MAGI2: variants seen among roughly 807,000 people sequenced by gnomAD.
MAGI2 encodes the protein membrane-associated guanylate kinase, WW and PDZ domain-containing protein 2.
A neutral mutation model predicts 133.3 loss-of-function variants in MAGI2; 35 were observed. The ratio of observed to expected loss-of-function variants is 0.26; its 90% CI spans 0.20 to 0.35. MAGI2 has a LOEUF of 0.35. Among genes scored for constraint, MAGI2 ranks in the 10% least tolerant of loss-of-function variants. The probability of loss-of-function intolerance (pLI) is 1.00; values close to 1 mark genes in which losing one functional copy is unlikely to be tolerated. For synonymous variants in MAGI2, 729 were observed against 710.6 expected (o/e 1.03, Z -0.41); for missense variants, 1,636 against 1,863.4 (o/e 0.88, Z 2.25).
chr7:79,168,889 GATATATATATATATATATATATATAT>G (rs1182056135), intron 1 of MAGI2, among the ~76,000 whole-genome samples: 17 of 14,632 alleles, frequency 1.2e-3, no homozygotes, highest in South Asian at 8.5e-3. Context: ...TCTAAAGATA[GATATATATATATATATATATATATAT>G]ATATATATAT....
intron 1 of MAGI2, among the ~76,000 whole-genome samples, chr7:79,066,396 C>A (rs1343194783): frequency 6.6e-6 from 1 of 151,708 alleles, no homozygotes; most frequent in South Asian, 2.1e-4. Flanking sequence ...ATATCCTTCA[C>A]CCACTTTTTG....
chr7:78,738,004 T>C (rs1323518114), intron 2 of MAGI2, among the ~76,000 whole-genome samples: 1 of 152,144 alleles, frequency 6.6e-6, no homozygotes, highest in Non-Finnish European at 1.5e-5. Flanking sequence ...TCATTACAAA[T>C]AAATTTCAGA....
intron 3 of MAGI2, among the ~76,000 whole-genome samples, chr7:78,533,110 T>C (rs1797604515): frequency 6.6e-6 from 1 of 152,052 alleles, no homozygotes; most frequent in African/African-American, 2.4e-5. Context: ...CCCGGCTAAT[T>C]TTTTGTATTT....
chr7:78,532,267 T>C (rs1464018738), intron 3 of MAGI2, among the ~76,000 whole-genome samples: 1 of 152,230 alleles, frequency 6.6e-6, no homozygotes, highest in Non-Finnish European at 1.5e-5. Flanking sequence ...AAGCCCTGAA[T>C]TGACAATGAA....
intron 2 of MAGI2, among the ~76,000 whole-genome samples, chr7:78,640,673 T>A (rs752063734): frequency 1.3e-5 from 2 of 152,196 alleles, no homozygotes; most frequent in Non-Finnish European, 2.9e-5. Context: ...ATCCTACCCC[T>A]CACGGGGAGC....
intron 2 of MAGI2, among the ~76,000 whole-genome samples, chr7:78,959,671 A>G (rs1802684295): frequency 6.6e-6 from 1 of 152,118 alleles, no homozygotes; most frequent in African/African-American, 2.4e-5. Flanking sequence ...AGTTTTTGAC[A>G]TTGTGTCACC....
At chr7:79,158,049 G>C (rs1307956216) in intron 1 of MAGI2, among the ~76,000 whole-genome samples, 2 of 150,744 alleles carry the variant, frequency 1.3e-5, no homozygotes, top group Non-Finnish European at 3.0e-5. Context: ...ATTTCCCCTT[G>C]GCACGCCAGA....
At chr7:79,132,625 TATA>T (rs994221496) in intron 1 of MAGI2, among the ~76,000 whole-genome samples, 1 of 152,114 alleles carries the variant, frequency 6.6e-6, no homozygotes, top group East Asian at 1.9e-4. Flanking sequence ...GTCTTTTTTG[TATA>T]ATAACTTCTT....
At chr7:78,781,825 G>A (rs759276680) in intron 2 of MAGI2, among the ~76,000 whole-genome samples, 13 of 152,132 alleles carry the variant, frequency 8.5e-5, no homozygotes, top group Admixed American at 2.0e-4. Context: ...GGTAGGCACT[G>A]GAAGAGGTCA....
At chr7:78,721,145 TTC>T (rs1384695835) in intron 2 of MAGI2, among the ~76,000 whole-genome samples, 2 of 152,024 alleles carry the variant, frequency 1.3e-5, no homozygotes, top group Non-Finnish European at 2.9e-5. Context: ...AATCTATGTA[TTC>T]TGTTTACATT....
intron 6 of MAGI2, among the ~76,000 whole-genome samples, chr7:78,395,079 A>G (rs180757715): frequency 1.1e-4 from 16 of 152,342 alleles, no homozygotes; most frequent in Admixed American, 9.8e-4. Flanking sequence ...TAATTTATTG[A>G]GAAACATTCT....
intron 9 of MAGI2, among the ~76,000 whole-genome samples, chr7:78,334,227 A>C (rs1318588555): frequency 1.3e-5 from 2 of 152,206 alleles, no homozygotes; most frequent in African/African-American, 4.8e-5. Flanking sequence ...CTGGATGACC[A>C]TTAACTGGAA....
At chr7:79,332,399 G>A (rs1003282169) in intron 1 of MAGI2, among the ~76,000 whole-genome samples, 1 of 152,118 alleles carries the variant, frequency 6.6e-6, no homozygotes, top group Non-Finnish European at 1.5e-5. Context: ...AACTTAGTAG[G>A]CAGATACTGT....
intron 1 of MAGI2, among the ~76,000 whole-genome samples, chr7:79,266,443 G>T (rs1834465089): frequency 6.6e-6 from 1 of 152,034 alleles, no homozygotes; most frequent in Admixed American, 6.6e-5. Context: ...ACCCACAGAA[G>T]ATTATCTGAT....
intron 1 of MAGI2, among the ~76,000 whole-genome samples, chr7:79,054,796 T>A (rs1267838946): frequency 6.6e-6 from 1 of 152,218 alleles, no homozygotes; most frequent in Non-Finnish European, 1.5e-5. Flanking sequence ...GGTCCCAATT[T>A]GTCCCTTTGG....
chr7:78,772,894 C>T (rs1269729273), intron 2 of MAGI2, among the ~76,000 whole-genome samples: 3 of 152,224 alleles, frequency 2.0e-5, no homozygotes, highest in Non-Finnish European at 4.4e-5. Context: ...TTTATAGCTT[C>T]TAATAACCAA....
chr7:78,283,093 G>C (rs997742686), intron 9 of MAGI2, among the ~76,000 whole-genome samples: 3 of 152,004 alleles, frequency 2.0e-5, no homozygotes, highest in Non-Finnish European at 4.4e-5. Context: ...GAACTCCTGA[G>C]CTCCAGTGAT....
chr7:79,104,856 C>CT (rs753628659), intron 1 of MAGI2, among the ~76,000 whole-genome samples: 4 of 152,108 alleles, frequency 2.6e-5, no homozygotes, highest in Non-Finnish European at 4.4e-5. Flanking sequence ...AGTGACACTG[C>CT]TGGGTGTCTA....
intron 2 of MAGI2, among the ~76,000 whole-genome samples, chr7:78,634,327 A>C (rs1809392959): frequency 6.6e-6 from 1 of 152,258 alleles, no homozygotes; most frequent in African/African-American, 2.4e-5. Flanking sequence ...AAAGTGTGAA[A>C]GTGCTCACAA....
Sources: gnomAD v4.1 joint callset for allele counts (sites outside exome capture counted in the v4.1 genomes callset) on GRCh38, gnomAD v4.1.1 for gene constraint, MANE v1.5 for transcripts, NCBI Gene and HGNC (gene_info 2026-07-23, HGNC 2026-07-21) for gene names.